Variants in WDR47 observed in about 807,000 individuals in gnomAD.
WDR47 encodes WD repeat-containing protein 47.
Under a neutral mutation model 97.2 loss-of-function variants are expected in WDR47, and 32 were observed. The observed-to-expected ratio is 0.33, with a 90% CI of 0.25 to 0.44. The LOEUF (loss-of-function observed/expected upper bound fraction) is 0.44, where lower values mean the gene tolerates loss of function less well. Among genes scored for constraint, WDR47 ranks in the 20% least tolerant of loss-of-function variants. The pLI, the probability that WDR47 is intolerant of heterozygous loss-of-function variation, is 1.00. For synonymous variants in WDR47, 375 were observed against 373.5 expected (o/e 1.00, Z -0.05); for missense variants, 782 against 1,102.3 (o/e 0.71, Z 4.11).
chr1:108,994,400 A>AAAAAC (rs1659601297), intron 8 of WDR47, among the ~76,000 whole-genome samples: 2 of 152,166 alleles, frequency 1.3e-5, no homozygotes, highest in Admixed American at 6.6e-5. Flanking sequence ...TCCATCTCAA[A>AAAAAC]AAAACAAAAC....
chr1:108,984,706 C>T lies in WDR47; in HGVS notation c.1926-1255G>A, dbSNP rs1375287051. ...CATCCTGGCCAACATGGTGAAACCCCGTCGCTACTAAAAATACAAAAATCA... is the reference window on the plus strand; with the variant it reads ...CATCCTGGCCAACATGGTGAAACCCTGTCGCTACTAAAAATACAAAAATCA... On this transcript the variant is annotated intron_variant, in intron 10 of 14. Coordinates refer to ENST00000369962, the MANE Select transcript of WDR47 (RefSeq NM_001142551.2). Among the ~76,000 whole-genome samples, 4 of 151,988 alleles carry T rather than the reference C, an allele frequency of 2.6e-5. No homozygotes were observed. The East Asian group carries it at 5.8e-4, about 22-fold the overall frequency.
At chr1:108,985,364 T>C (rs1658705919) in intron 10 of WDR47, among the ~76,000 whole-genome samples, 1 of 152,198 alleles carries the variant, frequency 6.6e-6, no homozygotes, top group Non-Finnish European at 1.5e-5. Context: ...TCTCTTTACA[T>C]AGCTAGGTTA....
intron 1 of WDR47, among the ~76,000 whole-genome samples, chr1:109,030,962 A>G (rs1662574530): frequency 7.2e-6 from 1 of 139,516 alleles, no homozygotes; most frequent in Non-Finnish European, 1.6e-5. Context: ...AATTTCTATG[A>G]TTTCCCTTCA....
intron 10 of WDR47, 97 bp downstream of exon 10, chr1:108,986,426 A>T: frequency 9.1e-7 from 1 of 1,104,584 alleles, no homozygotes; most frequent in Non-Finnish European, 1.2e-6. Flanking sequence ...AGAAAGTAAG[A>T]TTTGAAACAC....
At chr1:109,035,260 A>AC (rs1233732658) in intron 1 of WDR47, among the ~76,000 whole-genome samples, 1 of 151,222 alleles carries the variant, frequency 6.6e-6, no homozygotes, top group Admixed American at 6.6e-5. Context: ...AAAAAAAAAA[A>AC]AAAAAACCCC....
intron 1 of WDR47, among the ~76,000 whole-genome samples, chr1:109,031,358 G>C (rs1400171271): frequency 7.1e-6 from 1 of 139,906 alleles, no homozygotes; most frequent in Admixed American, 7.7e-5. Flanking sequence ...ACTATAAAAA[G>C]AAACTAATAT....
Position 108,986,513 on chromosome 1 carries a change from T to G in WDR47, c.1925+10A>C, listed in dbSNP as rs372052712. ...AGGTAAGAATGGCAGCACAAATCATTGATCCTTACCTTGGATCAATTACAT... is the reference window on the plus strand; with the variant it reads ...AGGTAAGAATGGCAGCACAAATCATGGATCCTTACCTTGGATCAATTACAT... On this transcript the variant is annotated intron_variant, in intron 10 of 14. Coordinates refer to ENST00000369962, the MANE Select transcript of WDR47 (RefSeq NM_001142551.2). 31 of 1,594,322 alleles carry G rather than the reference T, an allele frequency of 1.9e-5. No homozygotes were observed. In the Admixed American group the frequency reaches 2.7e-4, roughly 14 times the overall value.
intron 6 of WDR47, 40 bp downstream of exon 6, chr1:109,004,552 G>A (rs1660445844): frequency 1.3e-6 from 2 of 1,569,706 alleles, no homozygotes; most frequent in Non-Finnish European, 8.6e-7. Context: ...TTCTTACAAA[G>A]AGAATAACTC....
intron 10 of WDR47, among the ~76,000 whole-genome samples, chr1:108,984,280 C>T (rs1045106392): frequency 4.6e-5 from 7 of 151,954 alleles, no homozygotes; most frequent in African/African-American, 1.2e-4. Context: ...CTTTGAAACA[C>T]GAACTAATAT....
intron 2 of WDR47, 65 bp downstream of exon 2, chr1:109,023,290 T>C (rs895477344): frequency 3.2e-5 from 48 of 1,484,378 alleles, no homozygotes; most frequent in Non-Finnish European, 4.1e-5. Context: ...TTATATATAT[T>C]ACCTTATTAA....
intron 1 of WDR47, among the ~76,000 whole-genome samples, chr1:109,037,233 G>A (rs1263827534): frequency 2.6e-5 from 4 of 152,006 alleles, no homozygotes; most frequent in African/African-American, 9.7e-5. Flanking sequence ...GGAGGCTGAG[G>A]CAGGAGAATC....
At chr1:108,973,026 C>G (rs1307924258) in intron 14 of WDR47, among the ~76,000 whole-genome samples, 1 of 151,640 alleles carries the variant, frequency 6.6e-6, no homozygotes, top group Non-Finnish European at 1.5e-5. Context: ...TCACTAAGTT[C>G]CAGGCACATT....
chr1:108,981,410 A>G (rs1420745361), intron 13 of WDR47, among the ~76,000 whole-genome samples: 1 of 152,006 alleles, frequency 6.6e-6, no homozygotes, highest in African/African-American at 2.4e-5. Context: ...AAAATAGTAC[A>G]CTCTTTTGTT....
chr1:108,997,187 A>G (rs1434526606), intron 7 of WDR47, among the ~76,000 whole-genome samples: 1 of 151,374 alleles, frequency 6.6e-6, no homozygotes, highest in Non-Finnish European at 1.5e-5. Flanking sequence ...GAACTTTGGG[A>G]GGCCAAGGCA....
chr1:108,993,051 A>C (rs1345693821), intron 8 of WDR47, among the ~76,000 whole-genome samples: 1 of 152,180 alleles, frequency 6.6e-6, no homozygotes, highest in East Asian at 1.9e-4. Flanking sequence ...CTATCAGGGA[A>C]GAGAAGAACC....
chr1:108,981,890 T>C (rs930837408), intron 12 of WDR47, 26 bp from the exon 13 acceptor site: 1 of 1,602,990 alleles, frequency 6.2e-7, no homozygotes, highest in Non-Finnish European at 8.5e-7. Flanking sequence ...TACTCAATTA[T>C]TAAGGTGGGA....
At chr1:109,037,626 C>CA (rs1334177386) in intron 1 of WDR47, among the ~76,000 whole-genome samples, 4,576 of 59,688 alleles carry the variant, frequency 0.077, 259 homozygotes, top group African/African-American at 0.17. Flanking sequence ...GACCTCGTCT[C>CA]AAAAAAAAAA....
intron 8 of WDR47, among the ~76,000 whole-genome samples, chr1:108,995,319 T>G (rs1659665239): frequency 6.6e-6 from 1 of 152,144 alleles, no homozygotes; most frequent in Admixed American, 6.5e-5. Context: ...GTAGGTTCTT[T>G]GAGTAGGATG....
At chr1:109,030,448 T>C (rs1662538024) in intron 1 of WDR47, 1 of 321,270 alleles carries the variant, frequency 3.1e-6, no homozygotes, top group East Asian at 5.1e-5. Flanking sequence ...ACACACATTA[T>C]GAAGGAAAAA....
Sources: allele counts gnomAD v4.1 joint callset (sites outside exome capture counted in the v4.1 genomes callset), GRCh38; gene constraint gnomAD v4.1.1; transcripts MANE v1.5; gene names NCBI Gene and HGNC (gene_info 2026-07-23, HGNC 2026-07-21).